FAT3: variants seen among roughly 807,000 people sequenced by gnomAD.
The protein encoded by FAT3 is FAT atypical cadherin 3.
FAT3 carries 95 observed loss-of-function variants against 310.2 expected under a neutral mutation model. The ratio of observed to expected loss-of-function variants is 0.31; its 90% confidence interval spans 0.26 to 0.36. The LOEUF (loss-of-function observed/expected upper bound fraction) is 0.36. Among genes scored for constraint, FAT3 ranks in the 10% least tolerant of loss-of-function variants. The pLI, the probability that FAT3 is intolerant of heterozygous loss-of-function variation, is 1.00. For missense variants in FAT3, 5,408 were observed against 5,715.6 expected, an observed-to-expected ratio of 0.95 and a Z score of 1.74; for synonymous variants, 2,314 against 2,192.9, an observed-to-expected ratio of 1.06 and a Z score of -1.54.
At chr11:92,570,057 C>T (rs1452174946) in intron 3 of FAT3, among the ~76,000 whole-genome samples, 2 of 152,134 alleles carry the variant, frequency 1.3e-5, no homozygotes, top group Non-Finnish European at 2.9e-5. Context: ...GAACTGAGGT[C>T]AGTGTTTATT....
chr11:92,242,916 T>C (rs1590996394), intron 1 of FAT3, among the ~76,000 whole-genome samples: 2 of 152,074 alleles, frequency 1.3e-5, no homozygotes, highest in African/African-American at 2.4e-5. Flanking sequence ...GAAGGAAATG[T>C]TATTTTATTT....
chr11:92,786,510 C>CA (rs1302663420), intron 7 of FAT3, among the ~76,000 whole-genome samples: 16 of 152,060 alleles, frequency 1.1e-4, no homozygotes, highest in Non-Finnish European at 2.1e-4. Context: ...TCTCCAACCT[C>CA]ACTCAAAAAT....
intron 2 of FAT3, among the ~76,000 whole-genome samples, chr11:92,360,578 A>G (rs11821369): frequency 0.028 from 4,324 of 152,298 alleles, 217 homozygotes; most frequent in African/African-American, 0.098. Flanking sequence ...GTAATTTTCT[A>G]TAAATATTTT....
intron 4 of FAT3, among the ~76,000 whole-genome samples, chr11:92,720,946 T>C (rs1944842074): frequency 6.6e-6 from 1 of 152,228 alleles, no homozygotes; most frequent in South Asian, 2.1e-4. Flanking sequence ...TCTTTTGTTT[T>C]TCAACTTTTA....
chr11:92,841,976 G>A (rs1186794611), intron 18 of FAT3, among the ~76,000 whole-genome samples: 1 of 152,086 alleles, frequency 6.6e-6, no homozygotes, highest in Non-Finnish European at 1.5e-5. Context: ...CCTTAGTCAG[G>A]GACCAGCAAA....
intron 2 of FAT3, among the ~76,000 whole-genome samples, chr11:92,401,757 G>A (rs2134868872): frequency 6.6e-6 from 1 of 152,310 alleles, no homozygotes; most frequent in African/African-American, 2.4e-5. Flanking sequence ...CAGTACAAAG[G>A]TAAGCCCCAA....
chr11:92,562,089 A>G (rs1040533698), intron 3 of FAT3, among the ~76,000 whole-genome samples: 2 of 152,124 alleles, frequency 1.3e-5, no homozygotes, highest in Non-Finnish European at 2.9e-5. Flanking sequence ...TCACCTCCCC[A>G]CAGGCAGTAT....
At chr11:92,324,307 C>T (rs1318148643) in intron 1 of FAT3, among the ~76,000 whole-genome samples, 2 of 152,190 alleles carry the variant, frequency 1.3e-5, no homozygotes, top group Non-Finnish European at 2.9e-5. Context: ...TTTCAACATG[C>T]CTTCCTTACT....
intron 2 of FAT3, among the ~76,000 whole-genome samples, chr11:92,376,760 C>T (rs974635611): frequency 6.6e-6 from 1 of 152,098 alleles, no homozygotes; most frequent in Non-Finnish European, 1.5e-5. Flanking sequence ...TTATTATTTT[C>T]TGTCTTCTTA....
In FAT3 at chr11:92,799,791, G is replaced by C. The variant is rs1194400966; in HGVS notation, c.6778G>C (p.Ala2260Pro). Residue 2260 changes from alanine to proline, a missense_variant, in exon 10 of 28, where the codon GCC (alanine) becomes CCC (proline). By Grantham distance (27) the Ala-to-Pro change is conservative. Coordinates refer to ENST00000525166, the MANE Select transcript of FAT3 (RefSeq NM_001367949.2). ...ATCTGCTTACAAGCTGACAATAAGA[G>C]CCAGCGACGCCCTTACTGGTGCTAG... Reference protein sequence around the residue: ...VTSAYKLTIRASDALTGARAE... With the variant: ...VTSAYKLTIRPSDALTGARAE... 2 of 1,612,670 alleles carry C rather than the reference G, an allele frequency of 1.2e-6. No individual in the cohort carries two copies. The highest frequency in any genetic ancestry group is 2.2e-5 in the East Asian group (1 of 44,818).
chr11:92,578,858 A>G (rs978547440), intron 3 of FAT3, among the ~76,000 whole-genome samples: 14 of 152,078 alleles, frequency 9.2e-5, no homozygotes, highest in African/African-American at 3.1e-4. Context: ...ATTTTCCCCC[A>G]TGATCGTCTA....
chr11:92,821,986 T>C (rs1040807572), intron 13 of FAT3, among the ~76,000 whole-genome samples: 2 of 152,170 alleles, frequency 1.3e-5, no homozygotes, highest in Non-Finnish European at 2.9e-5. Context: ...CAGAACCTGA[T>C]TTAGAAAGTC....
At chr11:92,432,699 T>C (rs1002458124) in intron 2 of FAT3, among the ~76,000 whole-genome samples, 9 of 152,158 alleles carry the variant, frequency 5.9e-5, no homozygotes, top group African/African-American at 2.2e-4. Context: ...GGTGTCTCCC[T>C]GTCAGGAGGC....
intron 1 of FAT3, among the ~76,000 whole-genome samples, chr11:92,349,164 G>A (rs960462132): frequency 2.6e-5 from 4 of 152,136 alleles, no homozygotes; most frequent in African/African-American, 9.7e-5. Context: ...CTCAGCACAG[G>A]ATAGTGAGTG....
At chr11:92,682,427 A>G (rs1943506674) in intron 3 of FAT3, among the ~76,000 whole-genome samples, 1 of 152,148 alleles carries the variant, frequency 6.6e-6, no homozygotes, top group South Asian at 2.1e-4. Context: ...CGCATTACCT[A>G]ATTGGAGCTA....
At chr11:92,554,086 G>T (rs1954921425) in intron 3 of FAT3, among the ~76,000 whole-genome samples, 1 of 152,028 alleles carries the variant, frequency 6.6e-6, no homozygotes, top group Non-Finnish European at 1.5e-5. Flanking sequence ...GATTACAGGT[G>T]TGAGCCACCG....
chr11:92,425,313 T>A (rs1950607959), intron 2 of FAT3, among the ~76,000 whole-genome samples: 1 of 152,034 alleles, frequency 6.6e-6, no homozygotes, highest in Non-Finnish European at 1.5e-5. Flanking sequence ...GGCCCAAAGA[T>A]CAGCAAACCC....
At chr11:92,867,299 G>T (rs914047651) in intron 22 of FAT3, 90 bp downstream of exon 22, 3 of 1,298,388 alleles carry the variant, frequency 2.3e-6, no homozygotes, top group Non-Finnish European at 1.0e-6. Context: ...CCAACGCAAG[G>T]ACTCTACTAG....
chr11:92,650,028 T>C (rs1183848574), intron 3 of FAT3, among the ~76,000 whole-genome samples: 2 of 151,742 alleles, frequency 1.3e-5, no homozygotes, highest in African/African-American at 4.8e-5. Context: ...TTGTATACGG[T>C]GAAGAAAAGT....
Sources: allele counts gnomAD v4.1 joint callset (sites outside exome capture counted in the v4.1 genomes callset), GRCh38; gene constraint gnomAD v4.1.1; transcripts MANE v1.5; gene names NCBI Gene and HGNC (gene_info 2026-07-23, HGNC 2026-07-21).